CUX2: variants seen among roughly 807,000 people sequenced by gnomAD.
CUX2 encodes the protein homeobox protein cut-like 2.
CUX2 carries 40 observed loss-of-function variants against 144.8 expected under a neutral mutation model. The observed-to-expected ratio is 0.28, with a 90% CI of 0.21 to 0.36. The LOEUF is 0.36. CUX2 is among the 10% of genes least tolerant of loss of function. CUX2 has a pLI of 1.00. For missense variants in CUX2, 1,615 were observed against 1,994.0 expected (o/e 0.81, Z 3.62); for synonymous variants, 827 against 875.6 (o/e 0.94, Z 0.98).
At chr12:111,142,768 C>T (rs1876412133) in intron 1 of CUX2, among the ~76,000 whole-genome samples, 1 of 152,108 alleles carries the variant, frequency 6.6e-6, no homozygotes, top group South Asian at 2.1e-4. Flanking sequence ...CCTGAAACTC[C>T]TGGTGAATTT....
At chr12:111,109,106 A>C (rs960740263) in intron 1 of CUX2, among the ~76,000 whole-genome samples, 2 of 152,156 alleles carry the variant, frequency 1.3e-5, no homozygotes, top group Admixed American at 6.5e-5. Context: ...GCTGGGTTTC[A>C]TGACCACTGA....
intron 4 of CUX2, among the ~76,000 whole-genome samples, chr12:111,268,662 G>A (rs947408880): frequency 6.6e-6 from 1 of 152,276 alleles, no homozygotes; most frequent in African/African-American, 2.4e-5. Context: ...TGTGTCTGCA[G>A]CTGGGGTCAT....
chr12:111,301,038 CAAAA>C (rs3061127), intron 9 of CUX2, among the ~76,000 whole-genome samples: 12 of 106,538 alleles, frequency 1.1e-4, no homozygotes, highest in East Asian at 2.4e-4. Context: ...GACCCTATCT[CAAAA>C]AAAAAAAAAA....
intron 1 of CUX2, among the ~76,000 whole-genome samples, chr12:111,046,397 A>C (rs905252706): frequency 2.0e-5 from 3 of 152,204 alleles, no homozygotes; most frequent in Non-Finnish European, 4.4e-5. Context: ...CAGCAACTTT[A>C]TGAAGGGAAA....
intron 1 of CUX2, among the ~76,000 whole-genome samples, chr12:111,109,383 TG>T (rs1334775405): frequency 6.6e-6 from 1 of 152,038 alleles, no homozygotes; most frequent in Non-Finnish European, 1.5e-5. Flanking sequence ...AAAATATCAT[TG>T]TAAGCCCATA....
Position 111,347,874 on chromosome 12 carries a change from G to A in CUX2, c.4010G>A (p.Gly1337Asp), listed in dbSNP as rs201485891. 1.5e-3 allele frequency: 2,411 copies of A among 1,614,122 alleles called. 3 individuals carry two copies. Among genetic ancestry groups the A allele is most frequent in the Non-Finnish European group, 1.8e-3 (2,153 of 1,180,024 alleles). The change falls in exon 22 of 22, where the codon GGT becomes GAT. Residue 1337 changes from glycine to aspartate, a missense_variant. Physicochemically the swap from Gly to Asp is moderately conservative, Grantham distance 94. Transcript: ENST00000261726. ...AAAGAGGAGCATCCCGACCCTCCGG[G>A]TAATGATGGACTCCCAAAAGTGGCT... ...PPKEEHPDPP[G>D]NDGLPKVAPG... is the part of the protein sequence containing the mutation.
chr12:111,126,244 G>T (rs1457582798), intron 1 of CUX2, among the ~76,000 whole-genome samples: 2 of 152,074 alleles, frequency 1.3e-5, no homozygotes, highest in Non-Finnish European at 2.9e-5. Flanking sequence ...TAGTAGCTGG[G>T]ATTACAGGCA....
chr12:111,218,180 G>A (rs1015346335), intron 3 of CUX2, among the ~76,000 whole-genome samples: 1 of 152,080 alleles, frequency 6.6e-6, no homozygotes, highest in Non-Finnish European at 1.5e-5. Flanking sequence ...CCTCTCCCTC[G>A]ACTTTGCCCA....
intron 18 of CUX2, among the ~76,000 whole-genome samples, chr12:111,328,976 C>CTCTCTCTCTCTCTCCCCCCCCTCT (rs1887960160): frequency 3.2e-5 from 1 of 30,840 alleles, no homozygotes; most frequent in African/African-American, 2.7e-4. Flanking sequence ...TCTCTCTCTC[C>CTCTCTCTCTCTCTCCCCCCCCTCT]CCCTCTCTCC....
chr12:111,177,802 T>G (rs1878945604), intron 1 of CUX2, among the ~76,000 whole-genome samples: 1 of 152,210 alleles, frequency 6.6e-6, no homozygotes, highest in Non-Finnish European at 1.5e-5. Flanking sequence ...GAGGCCTGGG[T>G]TAGCATTTGG....
chr12:111,093,708 G>A (rs1872664483), intron 1 of CUX2, among the ~76,000 whole-genome samples: 1 of 152,218 alleles, frequency 6.6e-6, no homozygotes, highest in Non-Finnish European at 1.5e-5. Flanking sequence ...TGAAGCGCCT[G>A]TCGCTCTTCC....
At chr12:111,265,435 G>A (rs1021366081) in intron 4 of CUX2, among the ~76,000 whole-genome samples, 1 of 151,602 alleles carries the variant, frequency 6.6e-6, no homozygotes, top group East Asian at 1.9e-4. Flanking sequence ...TCCGCCTCCC[G>A]GGTTCAAGCA....
At chr12:111,208,464 G>A (rs1191664415) in intron 1 of CUX2, among the ~76,000 whole-genome samples, 1 of 152,200 alleles carries the variant, frequency 6.6e-6, no homozygotes, top group African/African-American at 2.4e-5. Context: ...GGGAAACCCA[G>A]ACGAATTGAG....
intron 1 of CUX2, among the ~76,000 whole-genome samples, chr12:111,127,645 A>G (rs1875177598): frequency 6.6e-6 from 1 of 152,256 alleles, no homozygotes; most frequent in African/African-American, 2.4e-5. Flanking sequence ...ATAAGGCCAC[A>G]GAGTAAGAAG....
intron 20 of CUX2, among the ~76,000 whole-genome samples, chr12:111,341,095 A>G (rs1173355560): frequency 6.6e-6 from 1 of 152,168 alleles, no homozygotes; most frequent in Non-Finnish European, 1.5e-5. Context: ...TTCAAGTGCT[A>G]TTTCTTTACG....
At chr12:111,302,982 G>A (rs928221016) in intron 9 of CUX2, among the ~76,000 whole-genome samples, 1 of 151,456 alleles carries the variant, frequency 6.6e-6, no homozygotes, top group Non-Finnish European at 1.5e-5. Context: ...AGCACTTTGG[G>A]AAGCCAAGGC....
intron 3 of CUX2, among the ~76,000 whole-genome samples, chr12:111,261,935 A>C (rs1279490055): frequency 5.3e-5 from 8 of 152,164 alleles, no homozygotes; most frequent in Non-Finnish European, 1.0e-4. Flanking sequence ...ATTTAAATTT[A>C]AAAAAGACCT....
intron 18 of CUX2, among the ~76,000 whole-genome samples, chr12:111,333,509 T>C (rs947169176): frequency 1.3e-5 from 2 of 152,248 alleles, no homozygotes; most frequent in African/African-American, 4.8e-5. Context: ...TTTCCAGTGT[T>C]GCCCTTTCTG....
chr12:111,124,199 GA>G, intron 1 of CUX2, among the ~76,000 whole-genome samples: 1 of 152,324 alleles, frequency 6.6e-6, no homozygotes, highest in African/African-American at 2.4e-5. Flanking sequence ...ATCGATGGAT[GA>G]AAGGCAAATT....
Sources: gnomAD v4.1 joint callset for allele counts (sites outside exome capture counted in the v4.1 genomes callset) on GRCh38, gnomAD v4.1.1 for gene constraint, MANE v1.5 for transcripts, NCBI Gene and HGNC (gene_info 2026-07-23, HGNC 2026-07-21) for gene names.